Variants in DMD observed in about 807,000 individuals in gnomAD.
DMD encodes mutant dystrophin.
DMD carries 63 observed loss-of-function variants against 330.1 expected under a neutral mutation model. The observed-to-expected ratio is 0.19, with a 90% CI of 0.16 to 0.24. The LOEUF (loss-of-function observed/expected upper bound fraction) is 0.24. Ranked by LOEUF, DMD falls within the 10% of genes least tolerant of loss-of-function variation. DMD has a pLI of 1.00. For synonymous variants in DMD, 1,223 were observed against 959.8 expected, an observed-to-expected ratio of 1.27 and a Z score of -5.07; for missense variants, 3,344 against 2,684.1, an observed-to-expected ratio of 1.25 and a Z score of -5.43.
intron 2 of DMD, among the ~76,000 whole-genome samples, chrX:32,894,520 A>C (rs2085524815): frequency 8.9e-6 from 1 of 112,403 alleles, no homozygotes; most frequent in African/African-American, 3.2e-5. Context: ...ATTTTTACTT[A>C]ACCCTCTGCC....
At chrX:33,193,490 C>A (rs914946091) in intron 1 of DMD, among the ~76,000 whole-genome samples, 10 of 111,890 alleles carry the variant, frequency 8.9e-5, no homozygotes, top group African/African-American at 3.2e-4. Flanking sequence ...TGTATAGACA[C>A]AATTTTAATG....
At chrX:31,889,691 C>T (rs2094213438) in intron 47 of DMD, among the ~76,000 whole-genome samples, 1 of 101,118 alleles carries the variant, frequency 9.9e-6, no homozygotes, top group African/African-American at 3.8e-5. Context: ...ACGCACACCA[C>T]AGAATGTGTT....
intron 55 of DMD, among the ~76,000 whole-genome samples, chrX:31,579,004 G>A (rs994926396): frequency 8.9e-6 from 1 of 111,768 alleles, no homozygotes; most frequent in Non-Finnish European, 1.9e-5. Flanking sequence ...TTCAGATATC[G>A]ATCCCTCTCA....
At chrX:32,013,075 AAT>A (rs2095725300) in intron 44 of DMD, among the ~76,000 whole-genome samples, 1 of 61,669 alleles carries the variant, frequency 1.6e-5, no homozygotes, top group African/African-American at 6.8e-5. Context: ...ACAGGAAATT[AAT>A]CTTTTCTTTT....
intron 60 of DMD, among the ~76,000 whole-genome samples, chrX:31,398,850 C>T (rs893181433): frequency 9.9e-5 from 11 of 111,384 alleles, no homozygotes; most frequent in Middle Eastern, 4.6e-3. Context: ...CTGATCCCTT[C>T]GTGGGTGGGA....
At chrX:32,542,141 A>G (rs867475567) in intron 17 of DMD, among the ~76,000 whole-genome samples, 4 of 111,549 alleles carry the variant, frequency 3.6e-5, no homozygotes, top group Non-Finnish European at 7.5e-5. Flanking sequence ...CAGATAAAGA[A>G]GTCAAAAGGC....
chrX:32,343,342 G>A (rs923020518), intron 39 of DMD, 56 bp from the exon 40 acceptor site: 10 of 1,043,620 alleles, frequency 9.6e-6, no homozygotes, highest in Non-Finnish European at 1.3e-5. Context: ...GTGCACTTCT[G>A]GCTGCAGTTA....
intron 44 of DMD, among the ~76,000 whole-genome samples, chrX:32,128,827 CT>C (rs1277043339): frequency 8.9e-6 from 1 of 112,226 alleles, no homozygotes; most frequent in Non-Finnish European, 1.9e-5. Flanking sequence ...TGTCGTTCCT[CT>C]TTGTGTAAAG....
At chrX:32,035,883 T>C (rs2095940708) in intron 44 of DMD, among the ~76,000 whole-genome samples, 1 of 111,707 alleles carries the variant, frequency 9.0e-6, no homozygotes, top group South Asian at 3.7e-4. Context: ...TTCCGGGAAT[T>C]GTACAGACCT....
intron 34 of DMD, among the ~76,000 whole-genome samples, chrX:32,372,605 T>C (rs913860940): frequency 8.9e-6 from 1 of 111,865 alleles, no homozygotes; most frequent in Non-Finnish European, 1.9e-5. Flanking sequence ...CCTCGTGGCA[T>C]TGCTGTTGTC....
At chrX:32,395,772 C>T (rs2098039605) in intron 30 of DMD, among the ~76,000 whole-genome samples, 1 of 110,581 alleles carries the variant, frequency 9.0e-6, no homozygotes, top group Non-Finnish European at 1.9e-5. Context: ...AAAGATTAGG[C>T]TTGGGGCATG....
At chrX:32,435,782 C>G (rs1312543701) in intron 29 of DMD, among the ~76,000 whole-genome samples, 1 of 111,190 alleles carries the variant, frequency 9.0e-6, no homozygotes, top group Non-Finnish European at 1.9e-5. Flanking sequence ...TCATCCACCC[C>G]ACTTTACCCA....
At chrX:31,378,063 T>A (rs2059974726) in intron 60 of DMD, among the ~76,000 whole-genome samples, 1 of 111,267 alleles carries the variant, frequency 9.0e-6, no homozygotes, top group African/African-American at 3.3e-5. Context: ...CACCCCTGTC[T>A]CCCTTTGCTG....
At chrX:32,463,399 G>A (rs1445956509) in intron 25 of DMD, 40 bp downstream of exon 25, 15 of 1,136,561 alleles carry the variant, frequency 1.3e-5, no homozygotes, top group Non-Finnish European at 1.5e-5. Context: ...TCTTAGTTAA[G>A]TACGTTGAGG....
intron 7 of DMD, among the ~76,000 whole-genome samples, chrX:32,796,574 T>C (rs182996399): frequency 1.8e-5 from 2 of 111,572 alleles, no homozygotes; most frequent in East Asian, 5.6e-4. Flanking sequence ...AACAATATGA[T>C]GTACATTTCA....
intron 7 of DMD, among the ~76,000 whole-genome samples, chrX:32,736,726 T>C (rs1170009826): frequency 1.2e-5 from 1 of 85,564 alleles, no homozygotes; most frequent in Non-Finnish European, 2.1e-5. Context: ...TGAGAACACA[T>C]GGACACAGGA....
rs148673060 is a variant in DMD, at chrX:32,337,624, G to C, written c.5922+4476C>G. 9.4e-3 allele frequency among the ~76,000 whole-genome samples: 1,036 copies of C among 109,988 alleles called. 13 individuals are homozygous for C. The highest frequency in any genetic ancestry group is 0.033 in the African/African-American group (1,010 of 30,326). On this transcript the variant is annotated intron_variant, in intron 41 of 78. Transcript: ENST00000357033. ...ATTATAATTGGTAATAATTTACATAGAACACATTATGCACAAGCCTTATAT... is the reference window on the plus strand; with the variant it reads ...ATTATAATTGGTAATAATTTACATACAACACATTATGCACAAGCCTTATAT...
chrX:31,271,548 T>C (rs1040160810), intron 62 of DMD, among the ~76,000 whole-genome samples: 1 of 111,742 alleles, frequency 8.9e-6, no homozygotes, highest in Non-Finnish European at 1.9e-5. Flanking sequence ...TGGTTTGAAC[T>C]GGGTACTTGC....
chrX:31,134,152 C>T lies in DMD; in HGVS notation c.10964G>A (p.Gly3655Glu), dbSNP rs776282633. ...LLSPPQDTST[G>E]LEEVMEQLNN... The stretch of plus-strand genomic sequence containing the variant: ...GAGTTGCTCCATCACCTCCTCTAAC[C>T]CTGTGCTTGTGTCCTGGGGAGGACT... Residue 3655 changes from glycine to glutamate, a missense_variant, in exon 77 of 79, where the codon GGG becomes GAG. Coordinates refer to ENST00000357033, the MANE Select transcript of DMD (RefSeq NM_004006.3). 4 of 1,211,475 alleles carry T rather than the reference C, an allele frequency of 3.3e-6. No individual in the cohort carries two copies. The Admixed American group carries it at 8.7e-5, about 26-fold the overall frequency.
Sources: gnomAD v4.1 joint callset for allele counts (sites outside exome capture counted in the v4.1 genomes callset) on GRCh38, gnomAD v4.1.1 for gene constraint, MANE v1.5 for transcripts, NCBI Gene and HGNC (gene_info 2026-07-23, HGNC 2026-07-21) for gene names.